The following ADAMTS5 variants were observed in gnomAD, a reference collection of about 807,000 sequenced individuals.
ADAMTS5 encodes the protein ADAM metallopeptidase with thrombospondin type 1 motif 5.
A neutral mutation model predicts 81.4 loss-of-function variants in ADAMTS5; 54 were observed. That is an observed-to-expected ratio of 0.66 (90% CI 0.53 to 0.83). The LOEUF (loss-of-function observed/expected upper bound fraction) is 0.83. Ranked by LOEUF, ADAMTS5 falls within the 40% of genes least tolerant of loss-of-function variation. The probability of loss-of-function intolerance (pLI) is 0.00; values close to 1 mark genes in which losing one functional copy is unlikely to be tolerated. For synonymous variants in ADAMTS5, 532 were observed against 508.8 expected (o/e 1.05, Z -0.61); for missense variants, 1,194 against 1,229.9 (o/e 0.97, Z 0.44).
chr21:26,936,992 G>GT (rs1401800436), intron 3 of ADAMTS5, among the ~76,000 whole-genome samples: 2 of 152,106 alleles, frequency 1.3e-5, no homozygotes, highest in East Asian at 1.9e-4. Flanking sequence ...TTTTAAGAAA[G>GT]TTTTTAAAAA....
rs75758943 is a variant in ADAMTS5 at position 26,923,996 on chromosome 21, G to A, written c.*57C>T. The A allele has an allele frequency of 5.0e-4, 756 of 1,501,102 alleles. 2 individuals are homozygous for A. The African/African-American group carries it at 9.2e-3, about 18-fold the overall frequency. The allele number at this position is 1,501,102 out of a possible 1,614,324, so 93.0% of individuals were successfully genotyped here. The stretch of plus-strand genomic sequence containing the variant: ...GTTAGGTAGACCTCCTGTTCACCAC[G>A]ACTGCATCAGTGCTGAATCCTCCAG... On this transcript the variant is annotated 3_prime_UTR_variant, in exon 8 of 8. Coordinates refer to ENST00000284987, the MANE Select transcript of ADAMTS5 (RefSeq NM_007038.5).
chr21:26,934,391 A>G (rs765303007), intron 4 of ADAMTS5, 75 bp downstream of exon 4: 6 of 1,550,568 alleles, frequency 3.9e-6, no homozygotes, highest in Non-Finnish European at 5.3e-6. Context: ...TTCTGAGAAC[A>G]GTGCCCATAC....
At position 26,921,328 on chromosome 21, in the gene ADAMTS5, A is replaced by T. The variant is rs1487258029; in HGVS notation, c.*2725T>A. On this transcript the variant is annotated 3_prime_UTR_variant, in exon 8 of 8. Coordinates refer to ENST00000284987, the MANE Select transcript of ADAMTS5 (RefSeq NM_007038.5). ...GGCTTAATTTAAATTTTTCTGATCT[A>T]GAAGAAATAAATGTCATTTTTTCTG... 1 of 152,104 alleles carries T rather than the reference A, an allele frequency of 6.6e-6. No individual in the cohort carries two copies. Among genetic ancestry groups the T allele is most frequent in the South Asian group, 2.1e-4 (1 of 4,836 alleles). 9.4% of individuals were successfully genotyped at this position (152,104 alleles called of 1,614,324 possible). A position where few individuals can be genotyped will look rare whatever the true frequency, so the allele number is the denominator to read the frequency against.
intron 3 of ADAMTS5, 108 bp downstream of exon 3, chr21:26,943,272 A>G: frequency 8.8e-7 from 1 of 1,131,362 alleles, no homozygotes; most frequent in Non-Finnish European, 1.2e-6. Flanking sequence ...TATCCACACA[A>G]CTATTGTCTT....
At position 26,919,549 on chromosome 21, in the gene ADAMTS5, A is replaced by G. The variant is rs1275963619; in HGVS notation, c.*4504T>C. 1 of 151,980 alleles carries G rather than the reference A, an allele frequency of 6.6e-6. No individual in the cohort carries two copies. The highest frequency in any genetic ancestry group is 1.5e-5 in the Non-Finnish European group (1 of 67,944). The allele number at this position is 151,980 out of a possible 1,614,324, so 9.4% of individuals were successfully genotyped here. A position where few individuals can be genotyped will look rare whatever the true frequency, so the allele number is the denominator to read the frequency against. Reference sequence around the variant, plus strand: ...CCATAAAACCTGCATTGAGAATGATATCATAGCCCCAGGCAGGCATTTACC... The same window carrying G: ...CCATAAAACCTGCATTGAGAATGATGTCATAGCCCCAGGCAGGCATTTACC... On this transcript the variant is annotated 3_prime_UTR_variant, in exon 8 of 8. Transcript: ENST00000284987.
chr21:26,962,799 T>C (rs1199606068), intron 1 of ADAMTS5, among the ~76,000 whole-genome samples: 2 of 152,174 alleles, frequency 1.3e-5, no homozygotes, highest in African/African-American at 4.8e-5. Context: ...AAGCTTTTCT[T>C]TGGGCCTTAA....
intron 1 of ADAMTS5, among the ~76,000 whole-genome samples, chr21:26,964,590 C>A (rs1987599766): frequency 1.3e-5 from 2 of 152,184 alleles, no homozygotes; most frequent in Non-Finnish European, 2.9e-5. Flanking sequence ...ACGCACTGGT[C>A]GACTAAGCAA....
intron 3 of ADAMTS5, chr21:26,939,666 A>C (rs1987078234): frequency 6.6e-6 from 1 of 152,238 alleles, no homozygotes; most frequent in African/African-American, 2.4e-5. Flanking sequence ...TATCTACATA[A>C]GTCATGGCCT....
intron 2 of ADAMTS5, among the ~76,000 whole-genome samples, chr21:26,947,037 T>A (rs770735268): frequency 1.3e-5 from 2 of 152,226 alleles, no homozygotes; most frequent in Non-Finnish European, 2.9e-5. Flanking sequence ...AACTATCTGC[T>A]GTCAGGATTT....
intron 2 of ADAMTS5, among the ~76,000 whole-genome samples, chr21:26,945,150 G>GA (rs11303368): frequency 0.22 from 30,839 of 138,996 alleles, 3,875 homozygotes; most frequent in East Asian, 0.53. Flanking sequence ...ACAGCTCACA[G>GA]AAAAAAAAAA....
rs764630679 is a variant in ADAMTS5, at chr21:26,933,095, A to G, written c.1690-51T>C. The G allele has an allele frequency of 2.6e-6, 4 of 1,540,126 alleles. No individual in the cohort carries two copies. The African/African-American group carries it at 5.6e-5, about 21-fold the overall frequency. On this transcript the variant is annotated intron_variant, in intron 4 of 7. Transcript: ENST00000284987. ...TAACTCCAATGAGAGAAAAACATTG[A>G]AAGTGTGCATTTGGAAATCACCTGC...
intron 1 of ADAMTS5, among the ~76,000 whole-genome samples, chr21:26,963,738 C>T (rs1987578482): frequency 7.4e-6 from 1 of 135,874 alleles, no homozygotes; most frequent in South Asian, 2.6e-4. Context: ...CTTCATTTTG[C>T]AGAGAAGGCT....
rs374960556 is a variant in ADAMTS5 at position 26,965,355 on chromosome 21, T to C, written c.1037A>G (p.His346Arg). 1 of 1,614,158 alleles carries C rather than the reference T, an allele frequency of 6.2e-7. No individual in the cohort carries two copies. Among genetic ancestry groups the C allele is most frequent in the African/African-American group, 1.3e-5 (1 of 74,944 alleles). Reference protein sequence around the residue: ...TTLKNFCKWQHQHNQLGDDHE... With the variant: ...TTLKNFCKWQRQHNQLGDDHE... ...GTCATCTCCCAGCTGGTTGTGTTGG[T>C]GCTGCCACTTGCAAAAGTTCTTGAG... is the stretch of plus-strand genomic sequence containing the variant. Residue 346 changes from histidine to arginine, a missense_variant, in exon 1 of 8, where the codon CAC (histidine) becomes CGC (arginine). His to Arg is a conservative substitution (Grantham distance 29). Coordinates refer to ENST00000284987, the MANE Select transcript of ADAMTS5 (RefSeq NM_007038.5).
At chr21:26,932,518 C>T (rs994050798) in intron 5 of ADAMTS5, among the ~76,000 whole-genome samples, 14 of 151,872 alleles carry the variant, frequency 9.2e-5, no homozygotes, top group Admixed American at 3.3e-4. Flanking sequence ...ATAGTGAAAC[C>T]CCGTCTCTAC....
intron 2 of ADAMTS5, chr21:26,953,965 TA>T (rs1486210527): frequency 1.3e-5 from 2 of 153,280 alleles, no homozygotes; most frequent in East Asian, 4.0e-4. Flanking sequence ...TGGGCTCATT[TA>T]GGACTAGATG....
chr21:26,958,378 A>C (rs759598439), intron 1 of ADAMTS5, among the ~76,000 whole-genome samples: 10 of 151,834 alleles, frequency 6.6e-5, no homozygotes, highest in Admixed American at 3.9e-4. Context: ...CACACACACA[A>C]ACGCATGCAT....
chr21:26,960,122 T>G (rs1987500643), intron 1 of ADAMTS5, among the ~76,000 whole-genome samples: 1 of 152,182 alleles, frequency 6.6e-6, no homozygotes, highest in Non-Finnish European at 1.5e-5. Flanking sequence ...ACAAAGAATT[T>G]TTACTCACAT....
Position 26,933,002 on chromosome 21 carries a change from G to A in ADAMTS5, c.1732C>T (p.Gln578Ter). The A allele has an allele frequency of 6.2e-7, 1 of 1,613,748 alleles. No homozygotes were observed. The highest frequency in any genetic ancestry group is 8.5e-7 in the Non-Finnish European group (1 of 1,179,908). The stretch of plus-strand genomic sequence containing the variant: ...CCTCCTCCACATGAGCGAGAACACT[G>A]GCCCCAGGATCCCCAAGATCCCCAG... Reference protein sequence around the residue: ...GNWGSWGSWGQCSRSCGGGVQ... With the variant: ...GNWGSWGSWG Residue 578 changes from glutamine (Q) to a stop codon, truncating the protein, a stop_gained, in exon 5 of 8, where the codon CAG becomes TAG. Coordinates refer to ENST00000284987, the MANE Select transcript of ADAMTS5 (RefSeq NM_007038.5). LOFTEE classifies it high-confidence loss of function.
At chr21:26,964,628 T>C (rs1302314013) in intron 1 of ADAMTS5, among the ~76,000 whole-genome samples, 2 of 152,300 alleles carry the variant, frequency 1.3e-5, no homozygotes, top group Admixed American at 6.5e-5. Context: ...CTCACAAGTT[T>C]GTCCTCTCAT....
Sources: allele counts gnomAD v4.1 joint callset (sites outside exome capture counted in the v4.1 genomes callset), GRCh38; gene constraint gnomAD v4.1.1; transcripts MANE v1.5; gene names NCBI Gene and HGNC (gene_info 2026-07-23, HGNC 2026-07-21).